IDH3A: variants seen among roughly 807,000 people sequenced by gnomAD.
The protein encoded by IDH3A is isocitrate dehydrogenase [NAD] subunit alpha, mitochondrial.
IDH3A carries 23 observed loss-of-function variants against 43.3 expected under a neutral mutation model. The ratio of observed to expected loss-of-function variants is 0.53; its 90% CI spans 0.38 to 0.75. The LOEUF is 0.75. Among genes scored for constraint, IDH3A ranks in the 30% least tolerant of loss-of-function variants. The pLI, the probability that IDH3A is intolerant of heterozygous loss-of-function variation, is 0.00. For missense variants in IDH3A, 329 were observed against 474.4 expected, an observed-to-expected ratio of 0.69 and a Z score of 2.85; for synonymous variants, 154 against 163.5, an observed-to-expected ratio of 0.94 and a Z score of 0.44.
At chr15:78,162,628 C>T (rs1346253962) in intron 6 of IDH3A, among the ~76,000 whole-genome samples, 1 of 150,584 alleles carries the variant, frequency 6.6e-6, no homozygotes, top group Non-Finnish European at 1.5e-5. Flanking sequence ...TCACTGCAAC[C>T]TCCGCCTCCC....
At chr15:78,153,403 T>A (rs1373755263) in intron 1 of IDH3A, among the ~76,000 whole-genome samples, 1 of 152,246 alleles carries the variant, frequency 6.6e-6, no homozygotes, top group African/African-American at 2.4e-5. Context: ...CACATGTCAA[T>A]TTTCTTGTCA....
rs1288227179 is a variant in IDH3A, at chr15:78,170,385, C to T, written c.*1380C>T. ...ATTTTTTTTTTTTTAGCAATGATAT[C>T]CCTGTCTGGGTCACTTTTTAAGCTT... On this transcript the variant is annotated 3_prime_UTR_variant, in exon 11 of 11. Transcript: ENST00000299518. 3.3e-5 allele frequency: 5 copies of T among 151,404 alleles called. No homozygotes were observed. Among genetic ancestry groups the T allele is most frequent in the African/African-American group, 4.9e-5 (2 of 41,092 alleles). 9.4% of individuals were successfully genotyped at this position (151,404 alleles called of 1,614,324 possible). A position where few individuals can be genotyped will look rare whatever the true frequency, so the allele number is the denominator to read the frequency against.
At chr15:78,165,641 A>G (rs1245080315) in intron 9 of IDH3A, among the ~76,000 whole-genome samples, 1 of 152,026 alleles carries the variant, frequency 6.6e-6, no homozygotes, top group Non-Finnish European at 1.5e-5. Context: ...CCATATTTTT[A>G]TACTTAAAAA....
rs1040450519 is a variant in IDH3A at position 78,162,208 on chromosome 15, G to A, written c.478-26G>A. 6 of 1,613,464 alleles carry A rather than the reference G, an allele frequency of 3.7e-6. No homozygotes were observed. In the Admixed American group the frequency reaches 6.7e-5, roughly 18 times the overall value. ...CTGCGTTGCTGTCACACTCTTTCCAGCAAGGTGGGACTTCCTGTCTTGCAG... is the reference window on the plus strand; with the variant it reads ...CTGCGTTGCTGTCACACTCTTTCCAACAAGGTGGGACTTCCTGTCTTGCAG... On this transcript the variant is annotated intron_variant, in intron 5 of 10. Transcript: ENST00000299518.
At position 78,165,024 on chromosome 15, in the gene IDH3A, G is replaced by T. The variant is rs2074723673; in HGVS notation, c.812G>T (p.Gly271Val). 6.2e-7 allele frequency: 1 copy of T among 1,613,826 alleles called. No individual in the cohort carries two copies. The highest frequency in any genetic ancestry group is 1.1e-5 in the South Asian group (1 of 91,080). Residue 271 changes from glycine to valine, a missense_variant, in exon 9 of 11, where the codon GGT (glycine) becomes GTT (valine). By Grantham distance (109) the Gly-to-Val change is moderately radical. Transcript: ENST00000299518. ...DLCAGLIGGL[G>V]VTPSGNIGAN... ...TGTGCAGGATTGATCGGAGGTCTCG[G>T]TGTGACACCAAGTGGCAACATTGGA...
At chr15:78,157,769 T>G in intron 3 of IDH3A, 138 bp downstream of exon 3, 1 of 601,264 alleles carries the variant, frequency 1.7e-6, no homozygotes, top group Non-Finnish European at 2.9e-6. Flanking sequence ...CTCCACCGAT[T>G]GTCACTTTAA....
In IDH3A at chr15:78,169,152, A is replaced by C. The variant is rs2141308497; in HGVS notation, c.*147A>C. On this transcript the variant is annotated 3_prime_UTR_variant, in exon 11 of 11. Transcript: ENST00000299518. ...GGCCTTTTCTTAACAAAATCTGTGC[A>C]AAAGATGCAGGTGGATGTCCCTAGG... The C allele has an allele frequency of 2.0e-6, 1 of 489,416 alleles. No homozygotes were observed. The highest frequency in any genetic ancestry group is 5.1e-4 in the Middle Eastern group (1 of 1,948). 30.3% of individuals were successfully genotyped at this position (489,416 alleles called of 1,614,324 possible).
chr15:78,159,272 C>T (rs1157432826), intron 3 of IDH3A, among the ~76,000 whole-genome samples: 1 of 152,190 alleles, frequency 6.6e-6, no homozygotes, highest in Non-Finnish European at 1.5e-5. Context: ...AGTCGCTCCC[C>T]ATTTCGTCTC....
Position 78,149,412 on chromosome 15 carries a change from G to C in IDH3A, c.9G>C (p.Gly3=). ...AGCCAGGAGGGGAAGCGATGGCTGG[G>C]CCCGCGTGGATCTCTAAGGTGAGCG... MA[G]PAWISKVSRL... Residue 3 remains glycine (G), a synonymous_variant, in exon 1 of 11, where the codon GGG becomes GGC. Transcript: ENST00000299518. 7.7e-6 allele frequency: 12 copies of C among 1,552,264 alleles called. No homozygotes were observed. The highest frequency in any genetic ancestry group is 2.5e-5 in the East Asian group (1 of 40,684).
intron 8 of IDH3A, among the ~76,000 whole-genome samples, chr15:78,164,745 C>A (rs1053773791): frequency 4.6e-5 from 7 of 152,158 alleles, no homozygotes; most frequent in African/African-American, 1.7e-4. Flanking sequence ...TGATGGGGGT[C>A]CCTTCACCAT....
intron 9 of IDH3A, 106 bp downstream of exon 9, chr15:78,165,182 A>T (rs2074725331): frequency 2.7e-6 from 2 of 749,044 alleles, no homozygotes; most frequent in Non-Finnish European, 4.6e-6. Context: ...CAAATTGTCA[A>T]AACAAAATGA....
At chr15:78,157,311 T>C (rs1281136791) in intron 2 of IDH3A, 1 of 693,884 alleles carries the variant, frequency 1.4e-6, no homozygotes, top group African/African-American at 1.8e-5. Context: ...GTAAAGAGTA[T>C]CATTTGGTTC....
chr15:78,157,713 T>G, intron 3 of IDH3A, 82 bp downstream of exon 3: 1 of 864,346 alleles, frequency 1.2e-6, no homozygotes, highest in Non-Finnish European at 1.9e-6. Context: ...ACTTTTAGGA[T>G]GCATTGTACC....
rs2074817910 is a variant in IDH3A at position 78,171,261 on chromosome 15, T to G, written c.*2256T>G. 3 of 511,040 alleles carry G rather than the reference T, an allele frequency of 5.9e-6. No individual in the cohort carries two copies. In the East Asian group the frequency reaches 9.4e-5, roughly 16 times the overall value. The allele number at this position is 511,040 out of a possible 1,614,324, so 31.7% of individuals were successfully genotyped here. Reference sequence around the variant, plus strand: ...TAAAACTACCCACACGTGAAGCTTCTTGGAATTGTCAGCTATTGTTGGCGT... The same window carrying G: ...TAAAACTACCCACACGTGAAGCTTCGTGGAATTGTCAGCTATTGTTGGCGT... On this transcript the variant is annotated 3_prime_UTR_variant, in exon 11 of 11. Transcript: ENST00000299518.
chr15:78,154,412 G>C (rs946349018), intron 1 of IDH3A: 33 of 152,172 alleles, frequency 2.2e-4, no homozygotes, highest in Admixed American at 1.8e-3. Context: ...TTACTATAAA[G>C]TGTAATTTCT....
At chr15:78,163,393 C>T (rs570974423) in intron 6 of IDH3A, 114 bp from the exon 7 acceptor site, 11 of 659,880 alleles carry the variant, frequency 1.7e-5, no homozygotes, top group African/African-American at 1.6e-4. Flanking sequence ...TAATTGGGAT[C>T]AGGTAGCTTG....
At position 78,162,445 on chromosome 15, in the gene IDH3A, T is replaced by C. The variant is rs1427432016; in HGVS notation, c.611+78T>C. 2.0e-6 allele frequency: 3 copies of C among 1,505,316 alleles called. No homozygotes were observed. In the African/African-American group the frequency reaches 4.2e-5, roughly 21 times the overall value. 93.2% of individuals were successfully genotyped at this position (1,505,316 alleles called of 1,614,324 possible). A position where few individuals can be genotyped will look rare whatever the true frequency, so the allele number is the denominator to read the frequency against. On this transcript the variant is annotated intron_variant, in intron 6 of 10. Coordinates refer to ENST00000299518, the MANE Select transcript of IDH3A (RefSeq NM_005530.3). ...GTGACAGGGCTTCCCTTTCTCCTCT[T>C]CAGCTTGTTCCTTGATTCCTAATAT...
rs3816254 is a variant in IDH3A, at chr15:78,166,140, C to T, written c.865-10C>T. Reference sequence around the variant, plus strand: ...TCTCCCTTGATGATGCTACTTTTCCCGATGTGTAGGTTCATGGGACGGCTC... The same window carrying T: ...TCTCCCTTGATGATGCTACTTTTCCTGATGTGTAGGTTCATGGGACGGCTC... On this transcript the variant is annotated splice_polypyrimidine_tract_variant and intron_variant, in intron 9 of 10. Coordinates refer to ENST00000299518, the MANE Select transcript of IDH3A (RefSeq NM_005530.3). 7.7e-4 allele frequency: 1,244 copies of T among 1,612,098 alleles called. 14 individuals carry two copies. In the East Asian group the frequency reaches 0.015, roughly 19 times the overall value.
intron 9 of IDH3A, 118 bp downstream of exon 9, chr15:78,165,194 G>T: frequency 4.8e-6 from 3 of 630,164 alleles, no homozygotes; most frequent in African/African-American, 3.0e-5. Flanking sequence ...ACAAAATGAT[G>T]CTTTTTTTTT....
Sources: gnomAD v4.1 joint callset for allele counts (sites outside exome capture counted in the v4.1 genomes callset) on GRCh38, gnomAD v4.1.1 for gene constraint, MANE v1.5 for transcripts, NCBI Gene and HGNC (gene_info 2026-07-23, HGNC 2026-07-21) for gene names.